Variants in CNTN6 observed in about 807,000 individuals in gnomAD.
The protein encoded by CNTN6 is contactin-6.
CNTN6 carries 137 observed loss-of-function variants against 122.8 expected under a neutral mutation model. The ratio of observed to expected loss-of-function variants is 1.12; its 90% confidence interval spans 0.97 to 1.29. The LOEUF is 1.29. CNTN6 is among the 50% of genes most tolerant of loss of function. CNTN6 has a pLI of 0.00. For missense variants in CNTN6, 1,634 were observed against 1,223.4 expected (o/e 1.34, Z -5.01); for synonymous variants, 570 against 426.0 (o/e 1.34, Z -4.16).
At chr3:1,402,697 ACC>A in intron 22 of CNTN6, 1 of 407,328 alleles carries the variant, frequency 2.5e-6, no homozygotes, top group Non-Finnish European at 4.4e-6. Flanking sequence ...TCATTTGAAA[ACC>A]AAAAAGAGAA....
intron 2 of CNTN6, among the ~76,000 whole-genome samples, chr3:1,170,721 TC>T (rs2093344524): frequency 6.6e-6 from 1 of 152,166 alleles, no homozygotes; most frequent in African/African-American, 2.4e-5. Flanking sequence ...TTTTCCTCCT[TC>T]CCTTGTTTCT....
At chr3:1,132,885 C>G (rs2092376922) in intron 1 of CNTN6, among the ~76,000 whole-genome samples, 1 of 151,984 alleles carries the variant, frequency 6.6e-6, no homozygotes, top group Non-Finnish European at 1.5e-5. Context: ...AGGAGACTCT[C>G]CTGAATTCTA....
At chr3:1,313,981 C>T (rs1481465476) in intron 7 of CNTN6, among the ~76,000 whole-genome samples, 2 of 152,054 alleles carry the variant, frequency 1.3e-5, no homozygotes, top group South Asian at 2.1e-4. Context: ...CATAGTCCCA[C>T]CTCCTAATAC....
rs199837072 is a variant in CNTN6, at chr3:1,249,322, T to C, written c.358+21329T>C. ...GCATATTTATTAAGCACCTACCATA[T>C]GTGTCAAACATAAGTGCAAGCAGTA... is the stretch of plus-strand genomic sequence containing the variant. On this transcript the variant is annotated intron_variant, in intron 4 of 22. Transcript: ENST00000446702. 2.6e-4 allele frequency among the ~76,000 whole-genome samples: 39 copies of C among 152,318 alleles called. No individual in the cohort carries two copies. In the East Asian group the frequency reaches 4.1e-3, roughly 16 times the overall value.
chr3:1,264,759 A>G (rs1263346259), intron 4 of CNTN6, among the ~76,000 whole-genome samples: 1 of 152,078 alleles, frequency 6.6e-6, no homozygotes, highest in East Asian at 1.9e-4. Context: ...TATACAATAC[A>G]TTATTATTTA....
chr3:1,376,627 A>G (rs964716847), intron 16 of CNTN6, among the ~76,000 whole-genome samples: 4 of 152,072 alleles, frequency 2.6e-5, no homozygotes, highest in Non-Finnish European at 5.9e-5. Context: ...TTGAAAAAAA[A>G]TAATTAATAT....
At chr3:1,210,632 G>A (rs1424138289) in intron 2 of CNTN6, among the ~76,000 whole-genome samples, 4 of 152,150 alleles carry the variant, frequency 2.6e-5, no homozygotes, top group Non-Finnish European at 4.4e-5. Flanking sequence ...TATAATTTGT[G>A]TCACTCTGGA....
chr3:1,373,137 G>A (rs751070966), intron 14 of CNTN6, among the ~76,000 whole-genome samples, 182 bp downstream of exon 14: 3 of 152,078 alleles, frequency 2.0e-5, no homozygotes, highest in Non-Finnish European at 2.9e-5. Context: ...ACATGGAACT[G>A]TGTGAATACA....
At chr3:1,298,028 C>A in intron 7 of CNTN6, 37 bp downstream of exon 7, 2 of 1,480,604 alleles carry the variant, frequency 1.4e-6, no homozygotes, top group Non-Finnish European at 1.8e-6. Flanking sequence ...TTCCTGGTTG[C>A]ATTAATTTTT....
At chr3:1,333,231 G>A (rs1370643241) in intron 11 of CNTN6, among the ~76,000 whole-genome samples, 1 of 151,936 alleles carries the variant, frequency 6.6e-6, no homozygotes, top group East Asian at 1.9e-4. Context: ...GATTACAAAT[G>A]CAAGGGTTAT....
chr3:1,153,239 C>T (rs1307953465), intron 2 of CNTN6, among the ~76,000 whole-genome samples: 1 of 152,076 alleles, frequency 6.6e-6, no homozygotes, highest in Non-Finnish European at 1.5e-5. Context: ...TCAAGAAAGT[C>T]AACATAGAGC....
chr3:1,172,620 C>CTCTCTCTCTGTG (rs762907787), intron 2 of CNTN6, among the ~76,000 whole-genome samples: 6 of 150,180 alleles, frequency 4.0e-5, no homozygotes, highest in African/African-American at 1.5e-4. Flanking sequence ...CAATAACTCT[C>CTCTCTCTCTGTG]TGTGTGTGTG....
At chr3:1,337,332 C>A (rs1208954307) in intron 11 of CNTN6, among the ~76,000 whole-genome samples, 1 of 152,126 alleles carries the variant, frequency 6.6e-6, no homozygotes. Flanking sequence ...CTGTCTGACA[C>A]TTCTCTACAT....
At chr3:1,139,184 A>G (rs1375596368) in intron 1 of CNTN6, among the ~76,000 whole-genome samples, 2 of 152,194 alleles carry the variant, frequency 1.3e-5, no homozygotes, top group Non-Finnish European at 2.9e-5. Flanking sequence ...AGTAATGGCA[A>G]CAGTGACCAG....
At position 1,278,526 on chromosome 3, in the gene CNTN6, G is replaced by C. The variant is rs1692820808; in HGVS notation, c.454+18G>C. On this transcript the variant is annotated intron_variant, in intron 5 of 22. Coordinates refer to ENST00000446702, the MANE Select transcript of CNTN6 (RefSeq NM_001289080.2). ...TTTTGGAGGTATGATGGGGTGATTTGGGTCATATCATCAATGCGGTCACTT... is the reference window on the plus strand; with the variant it reads ...TTTTGGAGGTATGATGGGGTGATTTCGGTCATATCATCAATGCGGTCACTT... 3.8e-6 allele frequency: 6 copies of C among 1,573,474 alleles called. No homozygotes were observed. Among genetic ancestry groups the C allele is most frequent in the Admixed American group, 3.4e-5 (2 of 58,742 alleles).
chr3:1,403,402 T>C lies in CNTN6; in HGVS notation c.3071T>C (p.Ile1024Thr), dbSNP rs1489593871. The change falls in exon 23 of 23, where the codon ATT becomes ACT. Residue 1024 changes from isoleucine to threonine, a missense_variant. By Grantham distance (89) the Ile-to-Thr change is moderately conservative. Transcript: ENST00000446702. ...ATTGTGATTTTTCACTGTTTTGCTA[T>C]TCAGCCACTTATCTGATGAATAAAA... ...IVIVIFHCFA[I>T]QPLI 1 of 1,606,166 alleles carries C rather than the reference T, an allele frequency of 6.2e-7. No individual in the cohort carries two copies. The highest frequency in any genetic ancestry group is 1.7e-5 in the Admixed American group (1 of 59,838).
At chr3:1,182,427 T>A (rs1365749635) in intron 2 of CNTN6, among the ~76,000 whole-genome samples, 1 of 152,170 alleles carries the variant, frequency 6.6e-6, no homozygotes, top group Admixed American at 6.6e-5. Context: ...TACTTGGTAG[T>A]TTATCTTGAG....
intron 7 of CNTN6, among the ~76,000 whole-genome samples, chr3:1,312,398 G>A (rs1460070349): frequency 6.6e-6 from 1 of 151,698 alleles, no homozygotes; most frequent in East Asian, 1.9e-4. Flanking sequence ...CCTCTCTCAG[G>A]AGACCCACAG....
At chr3:1,348,519 A>G (rs772305310) in intron 11 of CNTN6, among the ~76,000 whole-genome samples, 4 of 152,022 alleles carry the variant, frequency 2.6e-5, no homozygotes, top group Non-Finnish European at 4.4e-5. Flanking sequence ...GAGTTATTAG[A>G]CTCTGAAGGT....
Sources: allele counts gnomAD v4.1 joint callset (sites outside exome capture counted in the v4.1 genomes callset), GRCh38; gene constraint gnomAD v4.1.1; transcripts MANE v1.5; gene names NCBI Gene and HGNC (gene_info 2026-07-23, HGNC 2026-07-21).